Variants in USP40 observed in about 807,000 individuals in gnomAD.
USP40 encodes the protein ubiquitin specific peptidase 40.
Under a neutral mutation model 166.2 loss-of-function variants are expected in USP40, and 143 were observed. The observed-to-expected ratio is 0.86, with a 90% CI of 0.75 to 0.99. The LOEUF (loss-of-function observed/expected upper bound fraction) is 0.99, where lower values mean the gene tolerates loss of function less well. Ranked by LOEUF, USP40 falls within the 50% of genes least tolerant of loss-of-function variation. The pLI, the probability that USP40 is intolerant of heterozygous loss-of-function variation, is 0.00. For synonymous variants in USP40, 498 were observed against 524.0 expected, an observed-to-expected ratio of 0.95 and a Z score of 0.68; for missense variants, 1,444 against 1,479.7, an observed-to-expected ratio of 0.98 and a Z score of 0.40.
rs1475667653 is a variant in USP40, at chr2:233,557,010, G to C, written c.391C>G (p.Gln131Glu). 30 of 1,609,266 alleles carry C rather than the reference G, an allele frequency of 1.9e-5. No homozygotes were observed. The highest frequency in any genetic ancestry group is 2.5e-5 in the Non-Finnish European group (30 of 1,178,690). ...CGATTCAGTTCCTGCACATCATGTT[G>C]CCTCATTTCCTACAAAACAGGTAAC... ...FGWTSNEEMR[Q>E]HDVQELNRIL... Residue 131 changes from glutamine (Q) to glutamate (E), a missense_variant, in exon 5 of 32, where the codon CAA (glutamine) becomes GAA (glutamate). Gln to Glu is a conservative substitution (Grantham distance 29). Transcript: ENST00000678225.
intron 14 of USP40, 65 bp downstream of exon 14, chr2:233,525,413 G>T: frequency 8.3e-7 from 1 of 1,206,122 alleles, no homozygotes; most frequent in Non-Finnish European, 1.2e-6. Context: ...GTAGAAAATC[G>T]CAGGTGAGCC....
At chr2:233,524,639 T>C in intron 14 of USP40, 77 bp from the exon 15 acceptor site, 1 of 1,179,588 alleles carries the variant, frequency 8.5e-7, no homozygotes, top group Non-Finnish European at 1.2e-6. Context: ...CTGAGACAAA[T>C]ATTTGTTTGA....
rs999782669 is a variant in USP40 at position 233,562,567 on chromosome 2, G to A, written c.267+169C>T. Among the ~76,000 whole-genome samples the A allele has an allele frequency of 6.8e-5, 10 of 147,900 alleles. No homozygotes were observed. In the East Asian group the frequency reaches 1.4e-3, roughly 21 times the overall value. On this transcript the variant is annotated intron_variant, in intron 3 of 31. Coordinates refer to ENST00000678225, the MANE Select transcript of USP40 (RefSeq NM_001365479.2). ...ACATCACACTCTGGGGACTGTTGTG[G>A]GTTGGGGGGAGGGGGGAGGGATAGC... is the stretch of plus-strand genomic sequence containing the variant.
intron 21 of USP40, among the ~76,000 whole-genome samples, chr2:233,508,038 CAT>C (rs1405856917): frequency 1.3e-5 from 2 of 152,142 alleles, no homozygotes; most frequent in Non-Finnish European, 2.9e-5. Context: ...ATGCTCAACT[CAT>C]ATTGCCATGG....
At chr2:233,556,325 G>A (rs995310612) in intron 5 of USP40, among the ~76,000 whole-genome samples, 27 of 151,968 alleles carry the variant, frequency 1.8e-4, no homozygotes, top group African/African-American at 5.6e-4. Flanking sequence ...GGCAATATGT[G>A]TCATTACAAA....
chr2:233,520,251 T>C (rs965715097), intron 17 of USP40, among the ~76,000 whole-genome samples: 3 of 152,082 alleles, frequency 2.0e-5, no homozygotes, highest in Admixed American at 1.3e-4. Context: ...GCACCCCACA[T>C]TGTGAAAAGA....
rs949658070 is a variant in USP40, at chr2:233,480,990, G to T, written c.3599+213C>A. Among the ~76,000 whole-genome samples the T allele has an allele frequency of 6.6e-6, 1 of 152,190 alleles. No homozygotes were observed. The highest frequency in any genetic ancestry group is 2.4e-5 in the African/African-American group (1 of 41,426). ...TCCTCATCGTGCCTCTGCAGTTCAC[G>T]TGGACTTCACCTGTTCCACAGAAAG... On this transcript the variant is annotated intron_variant, in intron 31 of 31. Coordinates refer to ENST00000678225, the MANE Select transcript of USP40 (RefSeq NM_001365479.2). The surrounding 1 kb of genome is among the most constrained non-coding windows in gnomAD (Gnocchi z 4.5).
In USP40 at chr2:233,485,800, G is replaced by A. The variant is rs542793420; in HGVS notation, c.3375C>T (p.Pro1125=). ...VEKIEIAKYF[P]EKFEWLPISS... ...ATATCGGAAGCCACTCGAACTTTTC[G>A]GGAAAGTATTTGGCAATTTCAATCT... Residue 1125 remains proline, a synonymous_variant, in exon 29 of 32, where the codon CCC becomes CCT. Coordinates refer to ENST00000678225, the MANE Select transcript of USP40 (RefSeq NM_001365479.2). 33 of 1,612,162 alleles carry A rather than the reference G, an allele frequency of 2.0e-5. No individual in the cohort carries two copies. The highest frequency in any genetic ancestry group is 3.3e-4 in the Middle Eastern group (2 of 6,058).
intron 11 of USP40, 64 bp downstream of exon 11, chr2:233,533,415 G>T: frequency 6.8e-7 from 1 of 1,477,484 alleles, no homozygotes; most frequent in African/African-American, 1.4e-5. Flanking sequence ...AATTCAAACA[G>T]CATTCCATGT....
At chr2:233,544,294 C>T (rs1201695808) in intron 8 of USP40, among the ~76,000 whole-genome samples, 1 of 152,078 alleles carries the variant, frequency 6.6e-6, no homozygotes, top group Non-Finnish European at 1.5e-5. Context: ...ACTCTGTTTC[C>T]GTGGAGTCGC....
chr2:233,524,981 A>G (rs1000497079), intron 14 of USP40, among the ~76,000 whole-genome samples: 8 of 152,218 alleles, frequency 5.3e-5, no homozygotes, highest in Admixed American at 5.2e-4. Context: ...AACATAAAAC[A>G]CCTATTACAG....
At chr2:233,519,556 C>T in intron 18 of USP40, 58 bp downstream of exon 18, 1 of 1,188,152 alleles carries the variant, frequency 8.4e-7, no homozygotes, top group Non-Finnish European at 1.2e-6. Flanking sequence ...ATATTTTCTT[C>T]AATTCAAGAC....
intron 20 of USP40, among the ~76,000 whole-genome samples, chr2:233,511,017 G>C (rs1040100039): frequency 1.3e-5 from 2 of 152,154 alleles, no homozygotes; most frequent in Non-Finnish European, 2.9e-5. Context: ...AAGTTAAGGG[G>C]GAAGTGGTTG....
chr2:233,519,493 A>T, intron 18 of USP40, 121 bp downstream of exon 18: 1 of 608,766 alleles, frequency 1.6e-6, no homozygotes, highest in Non-Finnish European at 2.9e-6. Flanking sequence ...ATATTTGTCC[A>T]TTTTGGGTGG....
chr2:233,564,044 G>A (rs1337292091), intron 2 of USP40, among the ~76,000 whole-genome samples: 1 of 152,178 alleles, frequency 6.6e-6, no homozygotes, highest in African/African-American at 2.4e-5. Flanking sequence ...AATTTTTACT[G>A]GTGGAATTAC....
intron 18 of USP40, among the ~76,000 whole-genome samples, chr2:233,515,391 TA>T (rs2125178303): frequency 6.6e-6 from 1 of 152,292 alleles, no homozygotes; most frequent in South Asian, 2.1e-4. Context: ...TTGGTTGACT[TA>T]ACATTTTAAG....
chr2:233,493,268 T>C lies in USP40; in HGVS notation c.2917+157A>G, dbSNP rs1306716841. On this transcript the variant is annotated intron_variant, in intron 25 of 31. Coordinates refer to ENST00000678225, the MANE Select transcript of USP40 (RefSeq NM_001365479.2). The surrounding 1 kb of genome is among the most constrained non-coding windows in gnomAD (Gnocchi z 4.7). ...GTACAGAAATGGCACAGTGTTATTA[T>C]TATGTGATGTCTGGAATGACTTATG... is the stretch of plus-strand genomic sequence containing the variant. 1.0e-6 allele frequency: 1 copy of C among 1,003,982 alleles called. No individual in the cohort carries two copies. The allele number at this position is 1,003,982 out of a possible 1,614,324, so 62.2% of individuals were successfully genotyped here.
chr2:233,518,690 C>T (rs751152296), intron 18 of USP40, among the ~76,000 whole-genome samples: 2 of 151,934 alleles, frequency 1.3e-5, no homozygotes, highest in Non-Finnish European at 1.5e-5. Context: ...GATAATAGTG[C>T]GAGAGTTTCT....
chr2:233,547,185 G>A (rs1370001889), intron 8 of USP40, among the ~76,000 whole-genome samples: 1 of 152,076 alleles, frequency 6.6e-6, no homozygotes, highest in African/African-American at 2.4e-5. Context: ...TGTATAAATT[G>A]TTTAATATTT....
Sources: allele counts gnomAD v4.1 joint callset (sites outside exome capture counted in the v4.1 genomes callset), GRCh38; gene constraint gnomAD v4.1.1; non-coding constraint Gnocchi (gnomAD v3.1); transcripts MANE v1.5; gene names NCBI Gene and HGNC (gene_info 2026-07-23, HGNC 2026-07-21).